ADAMTS17: variants seen among roughly 807,000 people sequenced by gnomAD.
ADAMTS17 encodes the protein ADAM metallopeptidase with thrombospondin type 1 motif 17.
Under a neutral mutation model 141.5 loss-of-function variants are expected in ADAMTS17, and 113 were observed. The observed-to-expected ratio is 0.80, with a 90% CI of 0.69 to 0.93. The LOEUF (loss-of-function observed/expected upper bound fraction) is 0.93, where lower values mean the gene tolerates loss of function less well. Ranked by LOEUF, ADAMTS17 falls within the 40% of genes least tolerant of loss-of-function variation. ADAMTS17 has a pLI of 0.00. For missense variants in ADAMTS17, 1,659 were observed against 1,517.9 expected (o/e 1.09, Z -1.54); for synonymous variants, 768 against 630.6 (o/e 1.22, Z -3.27).
intron 7 of ADAMTS17, among the ~76,000 whole-genome samples, chr15:100,209,070 G>T (rs2054563): frequency 0.014 from 1,584 of 109,992 alleles, 16 homozygotes; most frequent in South Asian, 0.025. Flanking sequence ...TCTAAAGGAT[G>T]AATACAATGC....
chr15:100,093,126 G>C (rs1013818052), intron 15 of ADAMTS17, among the ~76,000 whole-genome samples: 2 of 152,070 alleles, frequency 1.3e-5, no homozygotes, highest in African/African-American at 4.8e-5. Context: ...TTCAAAGTTT[G>C]GAAGCAACAG....
intron 4 of ADAMTS17, among the ~76,000 whole-genome samples, chr15:100,268,684 C>A (rs577406887): frequency 1.3e-5 from 2 of 152,286 alleles, no homozygotes; most frequent in Admixed American, 6.5e-5. Flanking sequence ...GGATGTTAGA[C>A]CTTTGTCAGA....
chr15:100,220,645 G>A (rs189022948), intron 7 of ADAMTS17, among the ~76,000 whole-genome samples: 110 of 152,158 alleles, frequency 7.2e-4, no homozygotes, highest in African/African-American at 2.5e-3. Flanking sequence ...CTTATAGCTA[G>A]GGTGATGAAA....
intron 8 of ADAMTS17, among the ~76,000 whole-genome samples, chr15:100,175,297 TGGAACAGCAGCTGTCCAA>T (rs1449912817): frequency 2.6e-5 from 4 of 152,256 alleles, no homozygotes; most frequent in African/African-American, 7.2e-5. Flanking sequence ...CTAATTGGTC[TGGAACAGCAGCTGTCCAA>T]GGAACAGCCT....
chr15:100,076,949 G>A lies in ADAMTS17; in HGVS notation c.2137+19407C>T, dbSNP rs1217123370. Among the ~76,000 whole-genome samples the A allele has an allele frequency of 2.0e-5, 3 of 151,928 alleles. No homozygotes were observed. The East Asian group carries it at 5.8e-4, about 29-fold the overall frequency. ...ATTTTTTTGCTTAAATCGCTATGAA[G>A]TTTATATATCTACTCACCTACTAAT... On this transcript the variant is annotated intron_variant, in intron 15 of 21. Transcript: ENST00000268070.
chr15:100,192,947 C>T (rs1322707488), intron 8 of ADAMTS17, among the ~76,000 whole-genome samples: 3 of 152,200 alleles, frequency 2.0e-5, no homozygotes, highest in Non-Finnish European at 2.9e-5. Context: ...GATTCCTTCA[C>T]GTTCTGAGCT....
intron 15 of ADAMTS17, among the ~76,000 whole-genome samples, chr15:100,066,527 T>C (rs1377887822): frequency 6.6e-6 from 1 of 152,350 alleles, no homozygotes; most frequent in African/African-American, 2.4e-5. Context: ...GAAGGTCCTT[T>C]AGTGTAGGTC....
chr15:100,253,011 A>T (rs1229175617), intron 7 of ADAMTS17, among the ~76,000 whole-genome samples: 4 of 152,088 alleles, frequency 2.6e-5, no homozygotes, highest in Non-Finnish European at 5.9e-5. Flanking sequence ...AGGGCTACTC[A>T]CTGCTGGGGC....
In ADAMTS17 at chr15:99,993,848, G is replaced by A. The variant is rs1259677530; in HGVS notation, c.2797-648C>T. 2.6e-5 allele frequency among the ~76,000 whole-genome samples: 4 copies of A among 152,172 alleles called. No individual in the cohort carries two copies. The East Asian group carries it at 7.7e-4, about 29-fold the overall frequency. On this transcript the variant is annotated intron_variant, in intron 19 of 21. Transcript: ENST00000268070. This position sits in a 1 kb window ranked among gnomAD's most constrained non-coding sequence, Gnocchi z 4.3. ...CCTGTGGTAGTTTACTTACTTGCAG[G>A]AGACCTGGCAAGGGGCAGTGGGGAT...
In ADAMTS17 at chr15:100,054,075, C is replaced by T. The variant is rs937512871; in HGVS notation, c.2138-21G>A. 3 of 1,613,866 alleles carry T rather than the reference C, an allele frequency of 1.9e-6. No individual in the cohort carries two copies. The African/African-American group carries it at 4.0e-5, about 22-fold the overall frequency. On this transcript the variant is annotated intron_variant, in intron 15 of 21. Coordinates refer to ENST00000268070, the MANE Select transcript of ADAMTS17 (RefSeq NM_139057.4). ...GAGAGCTAGAAAGCAAGTTGAAGAC[C>T]AAAGAATCAAGGGGCTGGGGGTAGG...
At chr15:100,241,354 T>C (rs2042821947) in intron 7 of ADAMTS17, among the ~76,000 whole-genome samples, 1 of 152,242 alleles carries the variant, frequency 6.6e-6, no homozygotes, top group South Asian at 2.1e-4. Context: ...ATAGGGCCAC[T>C]GTCCTCTTAG....
intron 18 of ADAMTS17, among the ~76,000 whole-genome samples, chr15:100,025,864 T>C (rs924714934): frequency 2.4e-4 from 37 of 152,216 alleles, no homozygotes; most frequent in African/African-American, 8.9e-4. Flanking sequence ...CTTTACTGTT[T>C]ATTTATTTTT....
intron 4 of ADAMTS17, among the ~76,000 whole-genome samples, chr15:100,275,628 A>G (rs913584495): frequency 1.1e-4 from 17 of 152,118 alleles, no homozygotes; most frequent in African/African-American, 3.9e-4. Flanking sequence ...CAGGCTCTGC[A>G]CCCTGGCTGT....
At chr15:100,231,759 A>G (rs1343178225) in intron 7 of ADAMTS17, among the ~76,000 whole-genome samples, 1 of 152,080 alleles carries the variant, frequency 6.6e-6, no homozygotes, top group East Asian at 1.9e-4. Flanking sequence ...AAGGGTCTCA[A>G]TGGTCTGTTG....
At chr15:100,059,820 G>A (rs150309582) in intron 15 of ADAMTS17, among the ~76,000 whole-genome samples, 4 of 152,288 alleles carry the variant, frequency 2.6e-5, no homozygotes, top group African/African-American at 9.6e-5. Context: ...TGCAGCTCCA[G>A]GCACCTCTGG....
intron 8 of ADAMTS17, among the ~76,000 whole-genome samples, chr15:100,162,302 A>G (rs1220788690): frequency 1.3e-5 from 2 of 151,266 alleles, no homozygotes; most frequent in East Asian, 3.9e-4. Flanking sequence ...GTTTGTGTAG[A>G]CATATATACG....
At chr15:100,061,362 G>A (rs1266658902) in intron 15 of ADAMTS17, among the ~76,000 whole-genome samples, 1 of 152,174 alleles carries the variant, frequency 6.6e-6, no homozygotes, top group African/African-American at 2.4e-5. Context: ...CCCATTTAGG[G>A]AGATTAGGGA....
At chr15:100,097,750 C>A (rs1459509415) in intron 14 of ADAMTS17, among the ~76,000 whole-genome samples, 2 of 152,256 alleles carry the variant, frequency 1.3e-5, no homozygotes, top group African/African-American at 4.8e-5. Flanking sequence ...TAATCGGCTC[C>A]CAGGAGATGC....
chr15:100,021,031 T>G (rs1049029314), intron 18 of ADAMTS17, among the ~76,000 whole-genome samples: 1 of 152,206 alleles, frequency 6.6e-6, no homozygotes, highest in Non-Finnish European at 1.5e-5. Context: ...TTTCCTTGGT[T>G]CAGTCTGTGG....
Sources: allele counts gnomAD v4.1 joint callset (sites outside exome capture counted in the v4.1 genomes callset), GRCh38; gene constraint gnomAD v4.1.1; non-coding constraint Gnocchi (gnomAD v3.1); transcripts MANE v1.5; gene names NCBI Gene and HGNC (gene_info 2026-07-23, HGNC 2026-07-21).